PSG5: variants seen among roughly 807,000 people sequenced by gnomAD.
PSG5 encodes the protein pregnancy specific beta-1-glycoprotein 5.
PSG5 carries 53 observed loss-of-function variants against 37.7 expected under a neutral mutation model. The observed-to-expected ratio is 1.41, with a 90% CI of 1.13 to 1.77. The LOEUF is 1.77. Ranked by LOEUF, PSG5 falls within the 40% of genes most tolerant of loss-of-function variation. PSG5 has a pLI of 0.00. For synonymous variants in PSG5, 221 were observed against 155.4 expected (o/e 1.42, Z -3.14); for missense variants, 547 against 405.2 (o/e 1.35, Z -3.00).
chr19:43,186,004 T>A (rs544112827), intron 1 of PSG5, among the ~76,000 whole-genome samples: 1 of 150,646 alleles, frequency 6.6e-6, no homozygotes, highest in African/African-American at 2.5e-5. Flanking sequence ...TGAGACAGAG[T>A]CTCGTACTGT....
rs533458813 is a variant in PSG5 at position 43,168,216 on chromosome 19, A to G, written c.*41-13T>C. ...TCAAAGCAACTGTCTGGGAAAGACA[A>G]AGATTTAAACTGACTATGGTTAAAA... On this transcript the variant is annotated splice_polypyrimidine_tract_variant and intron_variant, in intron 5 of 5. Coordinates refer to ENST00000342951, the MANE Select transcript of PSG5 (RefSeq NM_002781.4). The G allele has an allele frequency of 9.7e-4, 386 of 398,782 alleles. 5 individuals are homozygous for G. In the East Asian group the frequency reaches 0.013, roughly 13 times the overall value. The allele number at this position is 398,782 out of a possible 1,614,324, so 24.7% of individuals were successfully genotyped here. A position where few individuals can be genotyped will look rare whatever the true frequency, so the allele number is the denominator to read the frequency against.
chr19:43,179,158 C>T, intron 2 of PSG5: 1 of 1,587,450 alleles, frequency 6.3e-7, no homozygotes, highest in Non-Finnish European at 8.6e-7. Context: ...GGAGTTTCCA[C>T]TTTGCAGAAA....
At chr19:43,168,343 T>C (rs899012988) in intron 5 of PSG5, 140 bp from the exon 6 acceptor site, 10 of 277,050 alleles carry the variant, frequency 3.6e-5, no homozygotes, top group East Asian at 1.9e-4. Context: ...TCCAGAAATT[T>C]CATATAATTT....
chr19:43,186,420 C>T lies in PSG5; in HGVS notation c.-15G>A, dbSNP rs780896043. ...AGGGGCCCCATGGTCTCTGCGCCTG[C>T]GTGTTCTCCTCTGTGGAGCTGAGCC... On this transcript the variant is annotated 5_prime_UTR_variant, in exon 1 of 6. Coordinates refer to ENST00000342951, the MANE Select transcript of PSG5 (RefSeq NM_002781.4). 2.5e-5 allele frequency: 40 copies of T among 1,611,772 alleles called. 2 individuals carry two copies. The highest frequency in any genetic ancestry group is 1.1e-4 in the African/African-American group (8 of 74,482).
At position 43,175,308 on chromosome 19, in the gene PSG5, T is replaced by C. The variant is rs754500821; in HGVS notation, c.871A>G (p.Ile291Val). 6.2e-7 allele frequency: 1 copy of C among 1,612,756 alleles called. No homozygotes were observed. The highest frequency in any genetic ancestry group is 8.5e-7 in the Non-Finnish European group (1 of 1,179,220). Residue 291 changes from isoleucine to valine, a missense_variant, in exon 4 of 6, where the codon ATT (isoleucine) becomes GTT (valine). Ile to Val is a conservative substitution (Grantham distance 29). Transcript: ENST00000342951. The stretch of plus-strand genomic sequence containing the variant: ...TAGAGCCCTCTATGCTTTGTAGTAA[T>C]TTGGGGGATAGAGAGCTTTTGTCCT... Reference protein sequence around the residue: ...QSGQKLSIPQITTKHRGLYTC... With the variant: ...QSGQKLSIPQVTTKHRGLYTC...
At chr19:43,186,104 G>A (rs1966933505) in intron 1 of PSG5, among the ~76,000 whole-genome samples, 1 of 151,108 alleles carries the variant, frequency 6.6e-6, no homozygotes. Context: ...AGCCTCCAGA[G>A]TAGCTAGGAT....
At chr19:43,181,955 T>C (rs536939935) in intron 2 of PSG5, among the ~76,000 whole-genome samples, 9 of 151,752 alleles carry the variant, frequency 5.9e-5, no homozygotes, top group African/African-American at 7.3e-5. Flanking sequence ...TCCATGGGCA[T>C]TGGGGACTGC....
In PSG5 at chr19:43,184,801, A is replaced by G. The variant is rs1167211360; in HGVS notation, c.411T>C (p.Tyr137=). Residue 137 remains tyrosine, a synonymous_variant, in exon 2 of 6, where the codon TAT becomes TAC. Transcript: ENST00000342951. Reference sequence around the variant, plus strand: ...ACTCACGGTATAAGTTGAAGGTGAAATATCCAGTTACTCCTCTAGTCCTAT... The same window carrying G: ...ACTCACGGTATAAGTTGAAGGTGAAGTATCCAGTTACTCCTCTAGTCCTAT... ...RGDRTRGVTG[Y]FTFNLYLKLP... 6.2e-7 allele frequency: 1 copy of G among 1,612,182 alleles called. No homozygotes were observed. Among genetic ancestry groups the G allele is most frequent in the East Asian group, 2.2e-5 (1 of 44,880 alleles).
chr19:43,168,656 G>A (rs907379894), intron 5 of PSG5, among the ~76,000 whole-genome samples: 7 of 151,762 alleles, frequency 4.6e-5, no homozygotes, highest in African/African-American at 1.5e-4. Context: ...GCAGGCGTGA[G>A]CCATCGCGCC....
chr19:43,169,870 C>T (rs1968866393), intron 5 of PSG5, 185 bp downstream of exon 5: 1 of 396,716 alleles, frequency 2.5e-6, no homozygotes, highest in African/African-American at 2.1e-5. Context: ...GTCTAAAAGA[C>T]AGTGGGGTAC....
chr19:43,173,104 C>A (rs769573369), intron 4 of PSG5, among the ~76,000 whole-genome samples: 2 of 151,526 alleles, frequency 1.3e-5, no homozygotes, highest in African/African-American at 4.9e-5. Context: ...ATGGAGTGTT[C>A]CAAGATCATT....
At position 43,172,767 on chromosome 19, in the gene PSG5, G is replaced by A. The variant is rs142969290; in HGVS notation, c.964+2448C>T. 3.7e-3 allele frequency among the ~76,000 whole-genome samples: 561 copies of A among 151,774 alleles called. 12 individuals carry two copies. Among genetic ancestry groups the A allele is most frequent in the African/African-American group, 0.012 (511 of 41,282 alleles). The stretch of plus-strand genomic sequence containing the variant: ...AAATTGAAAGACATTTTGTGTTCAT[G>A]AATTGGAAGACTCAATATTGTTAGG... On this transcript the variant is annotated intron_variant, in intron 4 of 5. Transcript: ENST00000342951.
intron 2 of PSG5, chr19:43,180,510 T>A (rs1306977931): frequency 6.6e-6 from 1 of 151,614 alleles, no homozygotes; most frequent in Non-Finnish European, 1.5e-5. Flanking sequence ...GATTGTGGAT[T>A]TCTGGATTTC....
At chr19:43,186,284 C>A in intron 1 of PSG5, 58 bp downstream of exon 1, 16 of 1,609,246 alleles carry the variant, frequency 9.9e-6, no homozygotes, top group Non-Finnish European at 1.4e-5. Flanking sequence ...CTCCAGGAGA[C>A]CCAATCCAGT....
chr19:43,168,821 T>C (rs1242685907), intron 5 of PSG5, among the ~76,000 whole-genome samples: 1 of 151,690 alleles, frequency 6.6e-6, no homozygotes, highest in East Asian at 1.9e-4. Context: ...AGAGGATTAC[T>C]GAGTTCTTGG....
rs544898007 is a variant in PSG5 at position 43,179,332 on chromosome 19, T to C, written c.431-3184A>G. 1.1e-4 allele frequency among the ~76,000 whole-genome samples: 16 copies of C among 151,554 alleles called. No individual in the cohort carries two copies. The South Asian group carries it at 3.3e-3, about 32-fold the overall frequency. On this transcript the variant is annotated intron_variant, in intron 2 of 5. Coordinates refer to ENST00000342951, the MANE Select transcript of PSG5 (RefSeq NM_002781.4). ...TGGCAATCTGAGAGCTCAGAGATTG[T>C]GAGGCTGCCTGCTTTATGTGGGAGA...
rs1421766335 is a variant in PSG5, at chr19:43,175,996, G to C, written c.583C>G (p.Arg195Gly). Residue 195 changes from arginine to glycine, a missense_variant, in exon 3 of 6, where the codon CGA (arginine) becomes GGA (glycine). Transcript: ENST00000342951. The part of the protein sequence containing the change: ...QSLPVSPRVK[R>G]PIENRILILP... ...ATGAGGATCCTGTTTTCAATGGGTC[G>C]CTTTACCCTGGGACTGACCGGGAGG... 13 of 1,611,290 alleles carry C rather than the reference G, an allele frequency of 8.1e-6. No homozygotes were observed. Among genetic ancestry groups the C allele is most frequent in the African/African-American group, 1.3e-5 (1 of 74,410 alleles).
At chr19:43,182,564 T>C (rs930258581) in intron 2 of PSG5, among the ~76,000 whole-genome samples, 23 of 151,322 alleles carry the variant, frequency 1.5e-4, no homozygotes, top group African/African-American at 5.4e-4. Flanking sequence ...TTTAGTCCTG[T>C]GCCCCTGAAA....
At chr19:43,178,225 C>T (rs557827835) in intron 2 of PSG5, among the ~76,000 whole-genome samples, 1 of 151,704 alleles carries the variant, frequency 6.6e-6, no homozygotes. Flanking sequence ...GATCCACTTA[C>T]CAGGGACTAT....
Sources: allele counts gnomAD v4.1 joint callset (sites outside exome capture counted in the v4.1 genomes callset), GRCh38; gene constraint gnomAD v4.1.1; transcripts MANE v1.5; gene names NCBI Gene and HGNC (gene_info 2026-07-23, HGNC 2026-07-21).